CCDC178: variants seen among roughly 807,000 people sequenced by gnomAD.
CCDC178 encodes the protein coiled-coil domain containing 178.
CCDC178 carries 126 observed loss-of-function variants against 117.4 expected under a neutral mutation model. The observed-to-expected ratio is 1.07, with a 90% CI of 0.93 to 1.24. The LOEUF is 1.24. CCDC178 is among the 50% of genes most tolerant of loss of function. CCDC178 has a pLI of 0.00. For missense variants in CCDC178, 1,030 were observed against 986.9 expected (o/e 1.04, Z -0.59); for synonymous variants, 283 against 313.4 (o/e 0.90, Z 1.02).
At chr18:33,405,388 T>C (rs2063767398) in intron 3 of CCDC178, among the ~76,000 whole-genome samples, 2 of 151,672 alleles carry the variant, frequency 1.3e-5, no homozygotes, top group South Asian at 4.2e-4. Flanking sequence ...TTTTTGTATT[T>C]CCAAAATTTT....
chr18:33,103,677 T>C (rs1016086100), intron 20 of CCDC178, among the ~76,000 whole-genome samples: 2 of 151,580 alleles, frequency 1.3e-5, no homozygotes, highest in South Asian at 2.1e-4. Context: ...TAAAATACCA[T>C]AAATCTTGCC....
At chr18:33,371,258 G>T (rs1172033070) in intron 5 of CCDC178, among the ~76,000 whole-genome samples, 1 of 149,784 alleles carries the variant, frequency 6.7e-6, no homozygotes, top group Non-Finnish European at 1.5e-5. Context: ...TACAATGTTC[G>T]ACTCTCTCTC....
chr18:33,245,834 A>G (rs756500762), intron 14 of CCDC178, among the ~76,000 whole-genome samples: 2 of 151,944 alleles, frequency 1.3e-5, no homozygotes, highest in Non-Finnish European at 2.9e-5. Flanking sequence ...AAGTTTCTCA[A>G]CTTCGATATT....
chr18:33,374,515 A>G (rs1213025234), intron 5 of CCDC178, among the ~76,000 whole-genome samples: 1 of 152,228 alleles, frequency 6.6e-6, no homozygotes, highest in East Asian at 1.9e-4. Context: ...TAGAACAACT[A>G]GAATTTATAC....
At chr18:33,310,328 G>A (rs1176487789) in intron 11 of CCDC178, among the ~76,000 whole-genome samples, 2 of 151,494 alleles carry the variant, frequency 1.3e-5, no homozygotes, top group Non-Finnish European at 2.9e-5. Flanking sequence ...GCCTGTGTAT[G>A]TCATGATAAA....
intron 20 of CCDC178, among the ~76,000 whole-genome samples, chr18:33,103,994 C>T (rs1004716703): frequency 3.3e-5 from 5 of 151,508 alleles, no homozygotes; most frequent in South Asian, 2.1e-4. Flanking sequence ...AAGACAGAAA[C>T]GGAATAATAA....
At chr18:33,120,568 C>A (rs999340383) in intron 20 of CCDC178, among the ~76,000 whole-genome samples, 1 of 152,060 alleles carries the variant, frequency 6.6e-6, no homozygotes, top group Non-Finnish European at 1.5e-5. Context: ...TTTGGGTCAA[C>A]CCACCTGGAA....
chr18:33,346,210 C>T lies in CCDC178; in HGVS notation c.658+1G>A, dbSNP rs777418744. On this transcript the variant is annotated splice_donor_variant, in intron 9 of 22. Coordinates refer to ENST00000383096, the MANE Select transcript of CCDC178 (RefSeq NM_001105528.4). LOFTEE classifies it high-confidence loss of function. ...AGTAATATAAAAATCCCTATTATTA[C>T]CTTTCTGCACAGCCAATGGGAGTTC... 6.2e-7 allele frequency: 1 copy of T among 1,602,668 alleles called. No homozygotes were observed. The highest frequency in any genetic ancestry group is 8.5e-7 in the Non-Finnish European group (1 of 1,171,728).
At chr18:33,110,681 A>G (rs2057768760) in intron 20 of CCDC178, among the ~76,000 whole-genome samples, 1 of 151,578 alleles carries the variant, frequency 6.6e-6, no homozygotes, top group East Asian at 1.9e-4. Flanking sequence ...ATCTTTTTAC[A>G]CTGTATTTTG....
chr18:33,171,141 G>GA (rs2058594547), intron 20 of CCDC178, among the ~76,000 whole-genome samples: 1 of 152,000 alleles, frequency 6.6e-6, no homozygotes, highest in Non-Finnish European at 1.5e-5. Context: ...ACCAGCTGAG[G>GA]AAAAATAAAA....
intron 20 of CCDC178, among the ~76,000 whole-genome samples, chr18:33,155,285 TG>T (rs1367003593): frequency 1.1e-4 from 16 of 151,950 alleles, no homozygotes; most frequent in African/African-American, 3.9e-4. Context: ...AGAAACTGAA[TG>T]GGAAATTTGA....
chr18:32,974,483 T>G (rs893952403), intron 22 of CCDC178, 64 bp downstream of exon 22: 6 of 1,453,374 alleles, frequency 4.1e-6, no homozygotes, highest in African/African-American at 1.4e-5. Flanking sequence ...TTCATCACAC[T>G]ACCCATCATT....
chr18:33,187,892 G>A (rs911907071), intron 20 of CCDC178, among the ~76,000 whole-genome samples: 3 of 152,136 alleles, frequency 2.0e-5, no homozygotes, highest in African/African-American at 7.2e-5. Context: ...GAATCCTGAA[G>A]TGGATTTACC....
chr18:33,332,119 A>G (rs769974762), intron 10 of CCDC178, among the ~76,000 whole-genome samples: 1 of 152,226 alleles, frequency 6.6e-6, no homozygotes, highest in Non-Finnish European at 1.5e-5. Context: ...CAGATTAAAA[A>G]ATAGGTTGCA....
chr18:33,217,079 A>G (rs553428137), intron 18 of CCDC178, among the ~76,000 whole-genome samples: 41 of 152,186 alleles, frequency 2.7e-4, no homozygotes, highest in African/African-American at 9.4e-4. Context: ...TTTAGCTAAT[A>G]TATTTATGAT....
chr18:33,134,985 G>C (rs1186210432), intron 20 of CCDC178, among the ~76,000 whole-genome samples: 1 of 151,662 alleles, frequency 6.6e-6, no homozygotes, highest in Non-Finnish European at 1.5e-5. Context: ...AAACTAAATT[G>C]ATATTCCATT....
At chr18:33,399,043 T>C (rs1310751437) in intron 3 of CCDC178, among the ~76,000 whole-genome samples, 1 of 151,980 alleles carries the variant, frequency 6.6e-6, no homozygotes, top group Non-Finnish European at 1.5e-5. Context: ...TTACTAAAAA[T>C]ACAAAAATTA....
At chr18:33,408,224 A>G (rs1232737241) in intron 3 of CCDC178, among the ~76,000 whole-genome samples, 1 of 151,990 alleles carries the variant, frequency 6.6e-6, no homozygotes, top group East Asian at 1.9e-4. Flanking sequence ...AGAAAATTAT[A>G]AAGAATGATC....
chr18:33,183,682 G>A (rs191936374), intron 20 of CCDC178, among the ~76,000 whole-genome samples: 7 of 152,036 alleles, frequency 4.6e-5, no homozygotes, highest in Admixed American at 1.3e-4. Flanking sequence ...CACTGACACT[G>A]GCGCTATTGG....
Sources: allele counts gnomAD v4.1 joint callset (sites outside exome capture counted in the v4.1 genomes callset), GRCh38; gene constraint gnomAD v4.1.1; transcripts MANE v1.5; gene names NCBI Gene and HGNC (gene_info 2026-07-23, HGNC 2026-07-21).